The following UBTD1 variants were observed in gnomAD, a reference collection of about 807,000 sequenced individuals.
The protein encoded by UBTD1 is ubiquitin domain containing 1.
Under a neutral mutation model 21.7 loss-of-function variants are expected in UBTD1, and 19 were observed. That is an observed-to-expected ratio of 0.87 (90% CI 0.61 to 1.28). The LOEUF (loss-of-function observed/expected upper bound fraction) is 1.28. Among genes scored for constraint, UBTD1 ranks in the 50% most tolerant of loss-of-function variants. The probability of loss-of-function intolerance (pLI) is 0.00; values close to 1 mark genes in which losing one functional copy is unlikely to be tolerated. For synonymous variants in UBTD1, 116 were observed against 135.1 expected (o/e 0.86, Z 0.98); for missense variants, 282 against 315.1 (o/e 0.89, Z 0.80).
intron 1 of UBTD1, among the ~76,000 whole-genome samples, chr10:97,504,904 T>C (rs965750796): frequency 5.3e-5 from 8 of 152,168 alleles, no homozygotes; most frequent in Non-Finnish European, 8.8e-5. Context: ...TATATATGAC[T>C]CCTGTGGTTT....
In UBTD1 at chr10:97,508,887, T is replaced by C. The variant is rs375349104; in HGVS notation, c.70+9614T>C. ...AAGAGAAACACAAGTAGAATGCAAA[T>C]ATTGTTGTTTCCTCCTCCTTCTCCC... On this transcript the variant is annotated intron_variant, in intron 1 of 2. Coordinates refer to ENST00000370664, the MANE Select transcript of UBTD1 (RefSeq NM_024954.5). 5.3e-5 allele frequency among the ~76,000 whole-genome samples: 8 copies of C among 152,202 alleles called. No homozygotes were observed. In the East Asian group the frequency reaches 1.4e-3, roughly 26 times the overall value.
chr10:97,539,697 G>A (rs2040578979), intron 1 of UBTD1, among the ~76,000 whole-genome samples: 1 of 152,196 alleles, frequency 6.6e-6, no homozygotes, highest in African/African-American at 2.4e-5. Context: ...CCTTTCTTGG[G>A]GGAGGGGACG....
chr10:97,509,294 C>T (rs563952654), intron 1 of UBTD1, among the ~76,000 whole-genome samples: 5 of 152,294 alleles, frequency 3.3e-5, no homozygotes, highest in Admixed American at 2.0e-4. Flanking sequence ...GAGAGGGCAG[C>T]GGTTCCACTA....
chr10:97,553,234 C>T (rs1359347435), intron 1 of UBTD1, among the ~76,000 whole-genome samples: 3 of 152,198 alleles, frequency 2.0e-5, no homozygotes. Context: ...CGGGTTCAGG[C>T]AGTTCTCCTG....
At chr10:97,569,439 C>T (rs920060344) in intron 2 of UBTD1, among the ~76,000 whole-genome samples, 3 of 152,142 alleles carry the variant, frequency 2.0e-5, no homozygotes, top group African/African-American at 7.2e-5. Flanking sequence ...AATAATATGC[C>T]AGGATGAACA....
chr10:97,542,386 C>T (rs984320244), intron 1 of UBTD1, among the ~76,000 whole-genome samples: 2 of 152,232 alleles, frequency 1.3e-5, no homozygotes, highest in Admixed American at 1.3e-4. Context: ...TCTTTGTGCC[C>T]AGAGCAGCTG....
At chr10:97,506,455 C>CT (rs998311819) in intron 1 of UBTD1, among the ~76,000 whole-genome samples, 1 of 151,936 alleles carries the variant, frequency 6.6e-6, no homozygotes, top group Non-Finnish European at 1.5e-5. Flanking sequence ...AGTCACTTCT[C>CT]TTTTTTTTCT....
intron 1 of UBTD1, among the ~76,000 whole-genome samples, chr10:97,514,968 GGAT>G (rs1247415144): frequency 1.1e-4 from 16 of 152,216 alleles, no homozygotes; most frequent in African/African-American, 3.9e-4. Flanking sequence ...CTCGTGCATA[GGAT>G]CTGGCATAAA....
intron 1 of UBTD1, among the ~76,000 whole-genome samples, chr10:97,547,787 A>G (rs1178431252): frequency 6.6e-6 from 1 of 151,528 alleles, no homozygotes; most frequent in Non-Finnish European, 1.5e-5. Flanking sequence ...CTGGTTTTGA[A>G]CTCCTGACCT....
intron 1 of UBTD1, among the ~76,000 whole-genome samples, chr10:97,506,370 G>T (rs1012887771): frequency 2.6e-5 from 4 of 152,338 alleles, no homozygotes; most frequent in Admixed American, 1.3e-4. Flanking sequence ...AAACTACGTG[G>T]TTCCCAGCTG....
chr10:97,537,476 A>T (rs975719373), intron 1 of UBTD1, among the ~76,000 whole-genome samples: 1 of 152,192 alleles, frequency 6.6e-6, no homozygotes, highest in East Asian at 1.9e-4. Context: ...TCTTGATCAG[A>T]AATGCCTCAC....
intron 1 of UBTD1, among the ~76,000 whole-genome samples, chr10:97,561,011 C>A (rs1332441017): frequency 6.6e-6 from 1 of 152,106 alleles, no homozygotes; most frequent in East Asian, 1.9e-4. Flanking sequence ...GGTGATCAGG[C>A]CACACTTCCA....
At chr10:97,565,518 G>C (rs772233391) in intron 1 of UBTD1, among the ~76,000 whole-genome samples, 47 of 151,988 alleles carry the variant, frequency 3.1e-4, no homozygotes, top group Admixed American at 5.2e-4. Flanking sequence ...GCAGGGCATA[G>C]TGTCACCTAT....
intron 1 of UBTD1, among the ~76,000 whole-genome samples, chr10:97,527,171 C>CAAAAAA (rs34756643): frequency 1.0e-4 from 7 of 66,704 alleles, no homozygotes; most frequent in Admixed American, 3.7e-4. Flanking sequence ...CTCTTGTCTC[C>CAAAAAA]AAAAAAAAAA....
At chr10:97,515,772 AAG>A (rs1430440593) in intron 1 of UBTD1, among the ~76,000 whole-genome samples, 1 of 152,146 alleles carries the variant, frequency 6.6e-6, no homozygotes, top group Non-Finnish European at 1.5e-5. Context: ...CCATGGGAGA[AAG>A]AGAGTCTGGT....
At chr10:97,513,358 T>C (rs895361141) in intron 1 of UBTD1, among the ~76,000 whole-genome samples, 1 of 152,158 alleles carries the variant, frequency 6.6e-6, no homozygotes, top group Admixed American at 6.5e-5. Context: ...AGTCATACAG[T>C]GTAGACAAGT....
chr10:97,539,578 G>A (rs1226117894), intron 1 of UBTD1, among the ~76,000 whole-genome samples: 15 of 151,714 alleles, frequency 9.9e-5, no homozygotes, highest in Admixed American at 2.6e-4. Flanking sequence ...CTGGGTGACA[G>A]AGAGAGGCCC....
At position 97,570,390 on chromosome 10, in the gene UBTD1, T is replaced by A; in HGVS notation, c.551T>A (p.Ile184Asn). The A allele has an allele frequency of 9.9e-6, 16 of 1,613,352 alleles. No individual in the cohort carries two copies. Among genetic ancestry groups the A allele is most frequent in the Non-Finnish European group, 1.4e-5 (16 of 1,179,998 alleles). Reference protein sequence around the residue: ...LKRQLHAQEGIEPSWQRWFFS... With the variant: ...LKRQLHAQEGNEPSWQRWFFS... ...AGGCAGCTGCACGCCCAGGAGGGCA[T>A]CGAGCCATCGTGGCAGCGGTGGTTC... The change falls in exon 3 of 3, where the codon ATC becomes AAC. Residue 184 changes from isoleucine to asparagine, a missense_variant. Ile to Asn is a moderately radical substitution (Grantham distance 149, BLOSUM62 -3). Coordinates refer to ENST00000370664, the MANE Select transcript of UBTD1 (RefSeq NM_024954.5). This position sits in a 1 kb window ranked among gnomAD's most constrained non-coding sequence, Gnocchi z 6.6.
intron 1 of UBTD1, among the ~76,000 whole-genome samples, chr10:97,553,448 A>G (rs6584134): frequency 0.032 from 4,891 of 152,332 alleles, 230 homozygotes; most frequent in African/African-American, 0.1. Context: ...TTTTAAGTAA[A>G]TGAAATTAAT....
Sources: allele counts gnomAD v4.1 joint callset (sites outside exome capture counted in the v4.1 genomes callset), GRCh38; gene constraint gnomAD v4.1.1; non-coding constraint Gnocchi (gnomAD v3.1); transcripts MANE v1.5; gene names NCBI Gene and HGNC (gene_info 2026-07-23, HGNC 2026-07-21).